SPIN4: variants seen among roughly 807,000 people sequenced by gnomAD.
SPIN4 encodes spindlin-4.
SPIN4 carries 4 observed loss-of-function variants against 10.4 expected under a neutral mutation model. That is an observed-to-expected ratio of 0.38 (90% confidence interval 0.19 to 0.88). The LOEUF is 0.88. Ranked by LOEUF, SPIN4 falls within the 40% of genes least tolerant of loss-of-function variation. The pLI, the probability that SPIN4 is intolerant of heterozygous loss-of-function variation, is 0.40. For missense variants in SPIN4, 126 were observed against 198.7 expected (o/e 0.63, Z 2.20); for synonymous variants, 71 against 78.4 (o/e 0.91, Z 0.50).
chrX:63,350,039 A>G lies in SPIN4; in HGVS notation c.*31T>C, dbSNP rs1556016463. On this transcript the variant is annotated 3_prime_UTR_variant, in exon 1 of 1. Coordinates refer to ENST00000374884, the MANE Select transcript of SPIN4 (RefSeq NM_001012968.3). ...ACACAAAATAATTCACATCTAACAGATCCACAACTTCTCTAAAGAGCACAA... is the reference window on the plus strand; with the variant it reads ...ACACAAAATAATTCACATCTAACAGGTCCACAACTTCTCTAAAGAGCACAA... 8.6e-7 allele frequency: 1 copy of G among 1,169,206 alleles called. No homozygotes were observed. The highest frequency in any genetic ancestry group is 2.0e-5 in the South Asian group (1 of 50,788).
rs1227312377 is a variant in SPIN4 at position 63,347,341 on chromosome X, T to C, written c.*2729A>G. On this transcript the variant is annotated 3_prime_UTR_variant, in exon 1 of 1. Coordinates refer to ENST00000374884, the MANE Select transcript of SPIN4 (RefSeq NM_001012968.3). ...AGTACAGTCAACAAGCAACAACCAG[T>C]ACAATCAGCAATAATAGAGAACTTT... The C allele has an allele frequency of 1.8e-5, 2 of 112,007 alleles. No homozygotes were observed. The highest frequency in any genetic ancestry group is 3.2e-5 in the African/African-American group (1 of 30,911). 9.2% of individuals were successfully genotyped at this position (112,007 alleles called of 1,213,427 possible).
rs1485673743 is a variant in SPIN4, at chrX:63,348,205, T to C, written c.*1865A>G. 9.0e-6 allele frequency: 1 copy of C among 111,063 alleles called. No individual in the cohort carries two copies. Among genetic ancestry groups the C allele is most frequent in the Non-Finnish European group, 1.9e-5 (1 of 52,803 alleles). 9.2% of individuals were successfully genotyped at this position (111,063 alleles called of 1,213,427 possible). On this transcript the variant is annotated 3_prime_UTR_variant, in exon 1 of 1. Transcript: ENST00000374884. ...TAGAAAACCCAAAATATTATATTCTTAAAAATCTACTGTAATTTCAATGAT... is the reference window on the plus strand; with the variant it reads ...TAGAAAACCCAAAATATTATATTCTCAAAAATCTACTGTAATTTCAATGAT...
In SPIN4 at chrX:63,349,984, A is replaced by G; in HGVS notation, c.*86T>C. 1.0e-6 allele frequency: 1 copy of G among 1,001,180 alleles called. No homozygotes were observed. The highest frequency in any genetic ancestry group is 1.3e-6 in the Non-Finnish European group (1 of 746,834). 82.5% of individuals were successfully genotyped at this position (1,001,180 alleles called of 1,213,427 possible). On this transcript the variant is annotated 3_prime_UTR_variant, in exon 1 of 1. Transcript: ENST00000374884. Reference sequence around the variant, plus strand: ...CCACTTTCCTGAATTTCTGACACCTAAACTCTTCTCTGCGTTCACAACTAC... The same window carrying G: ...CCACTTTCCTGAATTTCTGACACCTGAACTCTTCTCTGCGTTCACAACTAC...
At position 63,351,026 on chromosome X, in the gene SPIN4, T is replaced by C. The variant is rs1932990517; in HGVS notation, c.-207A>G. 2 of 416,489 alleles carry C rather than the reference T, an allele frequency of 4.8e-6. No individual in the cohort carries two copies. Among genetic ancestry groups the C allele is most frequent in the African/African-American group, 2.5e-5 (1 of 40,182 alleles). The allele number at this position is 416,489 out of a possible 1,213,427, so 34.3% of individuals were successfully genotyped here. The stretch of plus-strand genomic sequence containing the variant: ...TGAGCACTGGGACAGCGTGTGCCTC[T>C]CCACAGTGCTTTCCTCTCTCGCCCT... On this transcript the variant is annotated 5_prime_UTR_variant, in exon 1 of 1. Transcript: ENST00000374884.
chrX:63,350,670 C>T lies in SPIN4; in HGVS notation c.150G>A (p.Lys50=), dbSNP rs782768684. The T allele has an allele frequency of 8.3e-7, 1 of 1,209,817 alleles. No homozygotes were observed. The highest frequency in any genetic ancestry group is 1.7e-5 in the African/African-American group (1 of 57,277). The change falls in exon 1 of 1, where the codon AAG becomes AAA. Residue 50 remains lysine, a synonymous_variant. Coordinates refer to ENST00000374884, the MANE Select transcript of SPIN4 (RefSeq NM_001012968.3). ...IVGCRIQHGW[K]EGNEPVEQWK... is the part of the protein sequence containing the mutation. ...ACTGCTCCACTGGCTCGTTGCCTTC[C>T]TTCCAGCCGTGTTGAATGCGGCAGC...
At position 63,348,502 on chromosome X, in the gene SPIN4, T is replaced by A. The variant is rs1932959888; in HGVS notation, c.*1568A>T. On this transcript the variant is annotated 3_prime_UTR_variant, in exon 1 of 1. Coordinates refer to ENST00000374884, the MANE Select transcript of SPIN4 (RefSeq NM_001012968.3). ...TATTAAAGAGCCCTCTAAACAAAAA[T>A]GCAGGATTTTAATTGTGATGTCAGC... 1 of 110,749 alleles carries A rather than the reference T, an allele frequency of 9.0e-6. No homozygotes were observed. Among genetic ancestry groups the A allele is most frequent in the Admixed American group, 9.6e-5 (1 of 10,437 alleles). The allele number at this position is 110,749 out of a possible 1,213,427, so 9.1% of individuals were successfully genotyped here.
Position 63,348,613 on chromosome X carries a change from A to C in SPIN4, c.*1457T>G. On this transcript the variant is annotated 3_prime_UTR_variant, in exon 1 of 1. Coordinates refer to ENST00000374884, the MANE Select transcript of SPIN4 (RefSeq NM_001012968.3). Reference sequence around the variant, plus strand: ...GTCTAGGACATATTATATAAAGAAAAAAAAAACTAATGAAGTGGGACTTGC... The same window carrying C: ...GTCTAGGACATATTATATAAAGAAACAAAAAACTAATGAAGTGGGACTTGC... 1 of 110,798 alleles carries C rather than the reference A, an allele frequency of 9.0e-6. No homozygotes were observed. Among genetic ancestry groups the C allele is most frequent in the Non-Finnish European group, 1.9e-5 (1 of 52,809 alleles). 9.1% of individuals were successfully genotyped at this position (110,798 alleles called of 1,213,427 possible).
At position 63,348,555 on chromosome X, in the gene SPIN4, C is replaced by A. The variant is rs1223655718; in HGVS notation, c.*1515G>T. On this transcript the variant is annotated 3_prime_UTR_variant, in exon 1 of 1. Coordinates refer to ENST00000374884, the MANE Select transcript of SPIN4 (RefSeq NM_001012968.3). ...TCATAATTAGAATTTTATTAAAATT[C>A]TGCATTTCATTTTTTCACATGAAAA... 9.1e-6 allele frequency: 1 copy of A among 109,312 alleles called. No individual in the cohort carries two copies. The highest frequency in any genetic ancestry group is 1.9e-5 in the Non-Finnish European group (1 of 52,402). 9.0% of individuals were successfully genotyped at this position (109,312 alleles called of 1,213,427 possible). A position where few individuals can be genotyped will look rare whatever the true frequency, so the allele number is the denominator to read the frequency against.
Position 63,348,658 on chromosome X carries a change from T to C in SPIN4, c.*1412A>G, listed in dbSNP as rs1237639606. 2 of 110,628 alleles carry C rather than the reference T, an allele frequency of 1.8e-5. No homozygotes were observed. Among genetic ancestry groups the C allele is most frequent in the Non-Finnish European group, 3.8e-5 (2 of 52,759 alleles). The allele number at this position is 110,628 out of a possible 1,213,427, so 9.1% of individuals were successfully genotyped here. A position where few individuals can be genotyped will look rare whatever the true frequency, so the allele number is the denominator to read the frequency against. ...ACTTGCTTTATCGGATTCTAAAACT[T>C]ACGATGAAGCCACTATAATTAAATC... is the stretch of plus-strand genomic sequence containing the variant. On this transcript the variant is annotated 3_prime_UTR_variant, in exon 1 of 1. Transcript: ENST00000374884.
In SPIN4 at chrX:63,347,522, A is replaced by G. The variant is rs1384608327; in HGVS notation, c.*2548T>C. ...TACACTTTGTCCTAGCTAACTTTTAACAAACAAATAATTCTAATGCTATTT... is the reference window on the plus strand; with the variant it reads ...TACACTTTGTCCTAGCTAACTTTTAGCAAACAAATAATTCTAATGCTATTT... On this transcript the variant is annotated 3_prime_UTR_variant, in exon 1 of 1. Transcript: ENST00000374884. 8.9e-6 allele frequency: 1 copy of G among 112,334 alleles called. No homozygotes were observed. Among genetic ancestry groups the G allele is most frequent in the Non-Finnish European group, 1.9e-5 (1 of 53,171 alleles). 9.3% of individuals were successfully genotyped at this position (112,334 alleles called of 1,213,427 possible).
rs782443585 is a variant in SPIN4 at position 63,350,994 on chromosome X, C to G, written c.-175G>C. 3.0e-5 allele frequency: 16 copies of G among 538,425 alleles called. No homozygotes were observed. The highest frequency in any genetic ancestry group is 5.7e-4 in the Middle Eastern group (1 of 1,759). 44.4% of individuals were successfully genotyped at this position (538,425 alleles called of 1,213,427 possible). A position where few individuals can be genotyped will look rare whatever the true frequency, so the allele number is the denominator to read the frequency against. The stretch of plus-strand genomic sequence containing the variant: ...AGGTTTTGGCAGAAACGCTCGAACT[C>G]TAACCGTGAGCACTGGGACAGCGTG... On this transcript the variant is annotated 5_prime_UTR_variant, in exon 1 of 1. Coordinates refer to ENST00000374884, the MANE Select transcript of SPIN4 (RefSeq NM_001012968.3).
At position 63,350,323 on chromosome X, in the gene SPIN4, G is replaced by A; in HGVS notation, c.497C>T (p.Thr166Met). The change falls in exon 1 of 1, where the codon ACG becomes ATG. Residue 166 changes from threonine (T) to methionine (M), a missense_variant. Thr to Met is a moderately conservative substitution (Grantham distance 81, BLOSUM62 -1). Transcript: ENST00000374884. ...ACCATCTTTGTAGTCATCAAGCAGC[G>A]TGTACATATAGAGAACAGGATCTTT... is the stretch of plus-strand genomic sequence containing the variant. ...YEKDPVLYMY[T>M]LLDDYKDGDL... is the part of the protein sequence containing the mutation. The A allele has an allele frequency of 8.3e-7, 1 of 1,211,471 alleles. No individual in the cohort carries two copies. The highest frequency in any genetic ancestry group is 1.1e-6 in the Non-Finnish European group (1 of 895,506).
At position 63,349,768 on chromosome X, in the gene SPIN4, G is replaced by T. The variant is rs1370286844; in HGVS notation, c.*302C>A. The T allele has an allele frequency of 9.0e-6, 2 of 222,873 alleles. No individual in the cohort carries two copies. The highest frequency in any genetic ancestry group is 5.8e-5 in the African/African-American group (2 of 34,524). 18.4% of individuals were successfully genotyped at this position (222,873 alleles called of 1,213,427 possible). ...AGGAAGGGGTAAGGACGGGGTGTGG[G>T]TTTACACCATTAATTTTTCTTAATC... is the stretch of plus-strand genomic sequence containing the variant. On this transcript the variant is annotated 3_prime_UTR_variant, in exon 1 of 1. Coordinates refer to ENST00000374884, the MANE Select transcript of SPIN4 (RefSeq NM_001012968.3).
Position 63,350,806 on chromosome X carries a change from G to A in SPIN4, c.14C>T (p.Thr5Ile). ...GCCATCTACCCCCATCGGAGGCACG[G>A]TTGGAGGAGACATAGCTCAGGGATT... MSPP[T>I]VPPMGVDGVS... Residue 5 changes from threonine to isoleucine, a missense_variant, in exon 1 of 1, where the codon ACC (threonine) becomes ATC (isoleucine). By Grantham distance (89) the Thr-to-Ile change is moderately conservative (BLOSUM62 -1). Coordinates refer to ENST00000374884, the MANE Select transcript of SPIN4 (RefSeq NM_001012968.3). 1 of 1,198,577 alleles carries A rather than the reference G, an allele frequency of 8.3e-7. No homozygotes were observed. Among genetic ancestry groups the A allele is most frequent in the Non-Finnish European group, 1.1e-6 (1 of 887,160 alleles).
At position 63,347,569 on chromosome X, in the gene SPIN4, A is replaced by C. The variant is rs782612707; in HGVS notation, c.*2501T>G. On this transcript the variant is annotated 3_prime_UTR_variant, in exon 1 of 1. Transcript: ENST00000374884. ...ATTTAAATTATTCCAGACCACAGGAAAAAAATTGAAAACTCACATATTCAT... is the reference window on the plus strand; with the variant it reads ...ATTTAAATTATTCCAGACCACAGGACAAAAATTGAAAACTCACATATTCAT... 8.9e-6 allele frequency: 1 copy of C among 112,065 alleles called. No individual in the cohort carries two copies. Among genetic ancestry groups the C allele is most frequent in the Admixed American group, 9.5e-5 (1 of 10,571 alleles). The allele number at this position is 112,065 out of a possible 1,213,427, so 9.2% of individuals were successfully genotyped here.
At position 63,347,543 on chromosome X, in the gene SPIN4, T is replaced by C. The variant is rs1932948376; in HGVS notation, c.*2527A>G. The C allele has an allele frequency of 8.9e-6, 1 of 112,256 alleles. No homozygotes were observed. 9.3% of individuals were successfully genotyped at this position (112,256 alleles called of 1,213,427 possible). A position where few individuals can be genotyped will look rare whatever the true frequency, so the allele number is the denominator to read the frequency against. On this transcript the variant is annotated 3_prime_UTR_variant, in exon 1 of 1. Coordinates refer to ENST00000374884, the MANE Select transcript of SPIN4 (RefSeq NM_001012968.3). ...TTTAACAAACAAATAATTCTAATGC[T>C]ATTTAAATTATTCCAGACCACAGGA...
chrX:63,348,234 A>C lies in SPIN4; in HGVS notation c.*1836T>G, dbSNP rs1218125635. 1.8e-5 allele frequency: 2 copies of C among 111,532 alleles called. No individual in the cohort carries two copies. The highest frequency in any genetic ancestry group is 3.8e-5 in the Non-Finnish European group (2 of 52,933). The allele number at this position is 111,532 out of a possible 1,213,427, so 9.2% of individuals were successfully genotyped here. A position where few individuals can be genotyped will look rare whatever the true frequency, so the allele number is the denominator to read the frequency against. The stretch of plus-strand genomic sequence containing the variant: ...AATCTACTGTAATTTCAATGATTAA[A>C]TAAGCTCATTAGACAGAAGATAAAA... On this transcript the variant is annotated 3_prime_UTR_variant, in exon 1 of 1. Transcript: ENST00000374884.
Position 63,350,010 on chromosome X carries a change from G to A in SPIN4, c.*60C>T. 9.0e-7 allele frequency: 1 copy of A among 1,106,279 alleles called. No homozygotes were observed. Among genetic ancestry groups the A allele is most frequent in the Non-Finnish European group, 1.2e-6 (1 of 830,574 alleles). 91.2% of individuals were successfully genotyped at this position (1,106,279 alleles called of 1,213,427 possible). A position where few individuals can be genotyped will look rare whatever the true frequency, so the allele number is the denominator to read the frequency against. On this transcript the variant is annotated 3_prime_UTR_variant, in exon 1 of 1. Coordinates refer to ENST00000374884, the MANE Select transcript of SPIN4 (RefSeq NM_001012968.3). ...AACTCTTCTCTGCGTTCACAACTAC[G>A]AGAACACAAAATAATTCACATCTAA...
Position 63,349,564 on chromosome X carries a change from A to G in SPIN4, c.*506T>C, listed in dbSNP as rs1932974244. On this transcript the variant is annotated 3_prime_UTR_variant, in exon 1 of 1. Transcript: ENST00000374884. The stretch of plus-strand genomic sequence containing the variant: ...CAGAGAGAGCCAGAGAGAGCAAGAA[A>G]GACTGAAGCTACTGATAAGAAGAGA... The G allele has an allele frequency of 8.8e-6, 1 of 114,251 alleles. No homozygotes were observed. The highest frequency in any genetic ancestry group is 9.0e-5 in the Admixed American group (1 of 11,073). 9.4% of individuals were successfully genotyped at this position (114,251 alleles called of 1,213,427 possible).
Sources: gnomAD v4.1 joint callset for allele counts on GRCh38, gnomAD v4.1.1 for gene constraint, MANE v1.5 for transcripts, NCBI Gene and HGNC (gene_info 2026-07-23, HGNC 2026-07-21) for gene names.